RYR3: variants seen among roughly 807,000 people sequenced by gnomAD.
RYR3 encodes the protein ryanodine receptor 3.
In RYR3, 207 loss-of-function variants were observed where a neutral mutation model predicts 584.3. The ratio of observed to expected loss-of-function variants is 0.35; its 90% CI spans 0.32 to 0.40. RYR3 has a LOEUF of 0.40. Among genes scored for constraint, RYR3 ranks in the 10% least tolerant of loss-of-function variants. RYR3 has a pLI of 1.00. For synonymous variants in RYR3, 2,416 were observed against 2,248.5 expected, an observed-to-expected ratio of 1.07 and a Z score of -2.11; for missense variants, 5,616 against 6,089.2, an observed-to-expected ratio of 0.92 and a Z score of 2.59.
intron 60 of RYR3, among the ~76,000 whole-genome samples, chr15:33,764,720 A>G (rs1462968613): frequency 6.6e-6 from 1 of 152,156 alleles, no homozygotes; most frequent in Non-Finnish European, 1.5e-5. Flanking sequence ...ATCAAACTCT[A>G]TAAGATTAAA....
intron 1 of RYR3, among the ~76,000 whole-genome samples, chr15:33,440,585 C>A (rs1596149748): frequency 1.3e-5 from 2 of 152,270 alleles, no homozygotes; most frequent in South Asian, 4.1e-4. Context: ...GCCTTCATAA[C>A]AAAGAATGAT....
At chr15:33,675,760 G>T (rs16957399) in intron 38 of RYR3, among the ~76,000 whole-genome samples, 19,413 of 152,114 alleles carry the variant, frequency 0.13, 2,091 homozygotes, top group African/African-American at 0.3. Context: ...CTATTTTTTG[G>T]CTATCGTTTG....
chr15:33,385,874 T>G lies in RYR3; in HGVS notation c.51+74778T>G, dbSNP rs2041568627. 3.3e-5 allele frequency among the ~76,000 whole-genome samples: 5 copies of G among 152,072 alleles called. No individual in the cohort carries two copies. In the South Asian group the frequency reaches 1.0e-3, roughly 32 times the overall value. On this transcript the variant is annotated intron_variant, in intron 1 of 103. Transcript: ENST00000634891. ...GTGCACCACCAAGCCTGGCTAATTT[T>G]TTTAAGTGTTGGTAGAAATGAGGTC...
In RYR3 at chr15:33,739,932, T is replaced by C; in HGVS notation, c.7757T>C (p.Leu2586Ser). 6.2e-7 allele frequency: 1 copy of C among 1,613,866 alleles called. No individual in the cohort carries two copies. Among genetic ancestry groups the C allele is most frequent in the Non-Finnish European group, 8.5e-7 (1 of 1,179,842 alleles). ...TTAGATACCAGAATCACAGCCACGT[T>C]GGAGAAACAGATCTCAGTGGATGCG... ...DYLDTRITATLEKQISVDADG... is the reference protein window; with the variant it reads ...DYLDTRITATSEKQISVDADG... The change falls in exon 51 of 104, where the codon TTG becomes TCG. Residue 2586 changes from leucine to serine, a missense_variant. Transcript: ENST00000634891.
intron 1 of RYR3, among the ~76,000 whole-genome samples, chr15:33,334,213 T>C (rs545093883): frequency 1.4e-4 from 22 of 152,224 alleles, no homozygotes; most frequent in African/African-American, 4.6e-4. Context: ...AAAAAGAGCC[T>C]GAATAGCCAA....
chr15:33,818,275 G>A (rs944018515), intron 75 of RYR3, among the ~76,000 whole-genome samples: 1 of 152,132 alleles, frequency 6.6e-6, no homozygotes, highest in African/African-American at 2.4e-5. Context: ...CAGCTGATTG[G>A]AGTCTGTAGC....
chr15:33,413,669 T>A (rs2043571341), intron 1 of RYR3, among the ~76,000 whole-genome samples: 1 of 152,200 alleles, frequency 6.6e-6, no homozygotes, highest in East Asian at 1.9e-4. Flanking sequence ...CTGAGGTCCT[T>A]ACCCAGTGCC....
chr15:33,433,542 T>G (rs760646070), intron 1 of RYR3, among the ~76,000 whole-genome samples: 2 of 152,168 alleles, frequency 1.3e-5, no homozygotes, highest in Non-Finnish European at 2.9e-5. Flanking sequence ...AGTAAGTAAA[T>G]AAATGCAGTC....
At position 33,503,729 on chromosome 15, in the gene RYR3, C is replaced by A; in HGVS notation, c.270C>A (p.Gly90=). Residue 90 remains glycine (G), a synonymous_variant, in exon 3 of 104, where the codon GGC becomes GGA. Coordinates refer to ENST00000634891, the MANE Select transcript of RYR3 (RefSeq NM_001036.6). ...TGCTTGCCAACACAGGTGAAAATGG[C>A]GGCGAAGGGGTGAGTACCCGAATTG... ...QEMLANTGEN[G]GEGAAQGGGH... is the part of the protein sequence containing the mutation. The A allele has an allele frequency of 6.2e-7, 1 of 1,607,394 alleles. No individual in the cohort carries two copies. Among genetic ancestry groups the A allele is most frequent in the Non-Finnish European group, 8.5e-7 (1 of 1,175,808 alleles).
At chr15:33,325,855 G>A (rs1969633112) in intron 1 of RYR3, among the ~76,000 whole-genome samples, 2 of 151,622 alleles carry the variant, frequency 1.3e-5, no homozygotes, top group Admixed American at 1.3e-4. Flanking sequence ...AGGCTGGAGT[G>A]CAGTGGCACA....
intron 2 of RYR3, among the ~76,000 whole-genome samples, chr15:33,502,782 G>C (rs1249238753): frequency 6.6e-6 from 1 of 152,178 alleles, no homozygotes; most frequent in Non-Finnish European, 1.5e-5. Flanking sequence ...ATCTGACTCA[G>C]CCAAATGTAA....
intron 1 of RYR3, among the ~76,000 whole-genome samples, chr15:33,417,530 T>G (rs890485530): frequency 3.9e-5 from 6 of 152,184 alleles, no homozygotes; most frequent in African/African-American, 1.2e-4. Context: ...TTTTGTACAT[T>G]GATTTTTGTA....
At chr15:33,553,716 C>T (rs2056859290) in intron 10 of RYR3, among the ~76,000 whole-genome samples, 1 of 152,154 alleles carries the variant, frequency 6.6e-6, no homozygotes, top group African/African-American at 2.4e-5. Flanking sequence ...GCATCCCAGC[C>T]TTATCCCTTT....
intron 59 of RYR3, 119 bp downstream of exon 59, chr15:33,756,492 G>A (rs2071844894): frequency 4.0e-6 from 3 of 758,104 alleles, no homozygotes; most frequent in Non-Finnish European, 6.7e-6. Flanking sequence ...TGAGGTACAT[G>A]TATATTTCTC....
At position 33,865,228 on chromosome 15, in the gene RYR3, T is replaced by TCTGAATCAAAGAAGCGCGA. The variant is rs1257711255; in HGVS notation, c.*4_*22dup. ...CAATATGAAGATCAGCTTGGATAAA[T>TCTGAATCAAAGAAGCGCGA]CTGAATCAAAGAAGCGCGACAATTC... On this transcript the variant is annotated 3_prime_UTR_variant, in exon 104 of 104. Coordinates refer to ENST00000634891, the MANE Select transcript of RYR3 (RefSeq NM_001036.6). 1.2e-6 allele frequency: 2 copies of TCTGAATCAAAGAAGCGCGA among 1,608,860 alleles called. No individual in the cohort carries two copies. Among genetic ancestry groups the TCTGAATCAAAGAAGCGCGA allele is most frequent in the Non-Finnish European group, 1.7e-6 (2 of 1,176,580 alleles).
At chr15:33,830,747 G>A in intron 85 of RYR3, 1 of 399,540 alleles carries the variant, frequency 2.5e-6, no homozygotes, top group Non-Finnish European at 4.4e-6. Flanking sequence ...GCTGAAGGCA[G>A]TCCTCACTCC....
chr15:33,386,750 T>C (rs2041628176), intron 1 of RYR3, among the ~76,000 whole-genome samples: 1 of 152,216 alleles, frequency 6.6e-6, no homozygotes, highest in Non-Finnish European at 1.5e-5. Flanking sequence ...GATTACTCTC[T>C]AGATGTGTTA....
intron 1 of RYR3, among the ~76,000 whole-genome samples, chr15:33,327,805 G>T (rs1969907648): frequency 6.6e-6 from 1 of 151,934 alleles, no homozygotes; most frequent in African/African-American, 2.4e-5. Flanking sequence ...GTGACTCAGT[G>T]ATTACTTGAA....
At chr15:33,321,626 G>C (rs539934991) in intron 1 of RYR3, among the ~76,000 whole-genome samples, 1 of 152,218 alleles carries the variant, frequency 6.6e-6, no homozygotes, top group South Asian at 2.1e-4. Context: ...ACCCTAATTG[G>C]TTCTTCATTT....
Sources: allele counts gnomAD v4.1 joint callset (sites outside exome capture counted in the v4.1 genomes callset), GRCh38; gene constraint gnomAD v4.1.1; transcripts MANE v1.5; gene names NCBI Gene and HGNC (gene_info 2026-07-23, HGNC 2026-07-21).